The following USP25 variants were observed in gnomAD, a reference collection of about 807,000 sequenced individuals.
USP25 encodes ubiquitin specific peptidase 25, also known as ubiquitin carboxyl-terminal hydrolase 25.
In USP25, 85 loss-of-function variants were observed where a neutral mutation model predicts 158.5. The observed-to-expected ratio is 0.54, with a 90% confidence interval of 0.45 to 0.64. The LOEUF is 0.64. Ranked by LOEUF, USP25 falls within the 30% of genes least tolerant of loss-of-function variation. The probability of loss-of-function intolerance (pLI) is 0.00; values close to 1 mark genes in which losing one functional copy is unlikely to be tolerated. For synonymous variants in USP25, 464 were observed against 460.4 expected (o/e 1.01, Z -0.10); for missense variants, 1,242 against 1,327.3 (o/e 0.94, Z 1.00).
chr21:15,771,091 A>G (rs951460304), intron 3 of USP25, among the ~76,000 whole-genome samples: 1 of 152,194 alleles, frequency 6.6e-6, no homozygotes, highest in South Asian at 2.1e-4. Flanking sequence ...ACAAATATTT[A>G]TTGTCTAATA....
intron 21 of USP25, among the ~76,000 whole-genome samples, chr21:15,866,054 TGAATTA>T (rs2039641543): frequency 6.6e-6 from 1 of 152,116 alleles, no homozygotes; most frequent in Non-Finnish European, 1.5e-5. Context: ...ACAGTAAATT[TGAATTA>T]GAATTATTGC....
chr21:15,871,165 G>A (rs1036502445), intron 23 of USP25, among the ~76,000 whole-genome samples: 2 of 152,078 alleles, frequency 1.3e-5, no homozygotes, highest in African/African-American at 4.8e-5. Flanking sequence ...AAAAATTAAT[G>A]TTTTACTTAA....
chr21:15,819,711 G>A (rs1437866357), intron 10 of USP25, among the ~76,000 whole-genome samples: 2 of 152,108 alleles, frequency 1.3e-5, no homozygotes, highest in Non-Finnish European at 2.9e-5. Context: ...TAAATATTAA[G>A]TGATACGATG....
intron 8 of USP25, among the ~76,000 whole-genome samples, chr21:15,810,623 A>G (rs1380819793): frequency 6.6e-6 from 1 of 152,202 alleles, no homozygotes; most frequent in Non-Finnish European, 1.5e-5. Context: ...CTGTTCAGCT[A>G]CTTTGGGTGA....
chr21:15,861,354 T>TA (rs1166791094), intron 20 of USP25, among the ~76,000 whole-genome samples: 1 of 152,084 alleles, frequency 6.6e-6, no homozygotes, highest in South Asian at 2.1e-4. Flanking sequence ...TTAAAAAAGT[T>TA]AAAAAAATTA....
intron 1 of USP25, among the ~76,000 whole-genome samples, chr21:15,740,094 C>T (rs891059877): frequency 3.9e-5 from 6 of 152,158 alleles, no homozygotes; most frequent in Non-Finnish European, 8.8e-5. Flanking sequence ...AGATCAGTTT[C>T]GTATAATATG....
At chr21:15,736,124 G>T (rs1040165836) in intron 1 of USP25, among the ~76,000 whole-genome samples, 2 of 151,502 alleles carry the variant, frequency 1.3e-5, no homozygotes, top group Non-Finnish European at 2.9e-5. Flanking sequence ...TTGAGACGGG[G>T]TTTTGCTCTC....
chr21:15,811,404 A>C (rs550268313), intron 9 of USP25, among the ~76,000 whole-genome samples, 194 bp downstream of exon 9: 29 of 152,330 alleles, frequency 1.9e-4, no homozygotes, highest in African/African-American at 7.0e-4. Flanking sequence ...TACAGAGTGC[A>C]TTATCACATA....
At chr21:15,876,996 A>G (rs902112936) in intron 24 of USP25, 2 of 152,168 alleles carry the variant, frequency 1.3e-5, no homozygotes, top group African/African-American at 2.4e-5. Context: ...TCTCTGTTCT[A>G]CTAGATCAGT....
chr21:15,773,325 G>C (rs909685650), intron 3 of USP25: 1 of 152,612 alleles, frequency 6.6e-6, no homozygotes, highest in African/African-American at 2.4e-5. Context: ...AAGGTAATGT[G>C]AATGTGTGTG....
intron 5 of USP25, among the ~76,000 whole-genome samples, chr21:15,798,076 C>T (rs955509174): frequency 3.3e-5 from 5 of 151,168 alleles, no homozygotes; most frequent in Non-Finnish European, 1.5e-5. Context: ...GAGGGTGCTA[C>T]TCTGTACCCC....
chr21:15,864,359 A>G lies in USP25; in HGVS notation c.2639A>G (p.Tyr880Cys). 6.2e-7 allele frequency: 1 copy of G among 1,613,604 alleles called. No homozygotes were observed. Among genetic ancestry groups the G allele is most frequent in the Non-Finnish European group, 8.5e-7 (1 of 1,179,854 alleles). Reference protein sequence around the residue: ...TDYRLHHVVVYFIQNQAPKKI... With the variant: ...TDYRLHHVVVCFIQNQAPKKI... ...TATCGTTTACATCATGTAGTGGTCT[A>G]CTTTATCCAGAACCAGGCACCAAAG... The change falls in exon 21 of 26, where the codon TAC becomes TGC. Residue 880 changes from tyrosine to cysteine, a missense_variant. This residue lies in a region of USP25 where 608 missense variants were observed against 605.2 expected (regional missense o/e 1.00). Coordinates refer to ENST00000400183, the MANE Select transcript of USP25 (RefSeq NM_001283041.3).
At chr21:15,858,332 T>C (rs2039258923) in intron 20 of USP25, among the ~76,000 whole-genome samples, 1 of 152,008 alleles carries the variant, frequency 6.6e-6, no homozygotes, top group Admixed American at 6.5e-5. Flanking sequence ...GCCTTTTCAC[T>C]TTTATTGTCT....
chr21:15,751,064 G>A (rs911314776), intron 1 of USP25, among the ~76,000 whole-genome samples: 1 of 152,206 alleles, frequency 6.6e-6, no homozygotes, highest in African/African-American at 2.4e-5. Context: ...AAGAAGTATT[G>A]ACTAGGAACA....
Position 15,826,292 on chromosome 21 carries a change from T to G in USP25, c.1393T>G (p.Cys465Gly). Residue 465 changes from cysteine (C) to glycine (G), a missense_variant, in exon 13 of 26, where the codon TGC becomes GGC. Coordinates refer to ENST00000400183, the MANE Select transcript of USP25 (RefSeq NM_001283041.3). This position sits in a 1 kb window ranked among gnomAD's most constrained non-coding sequence, Gnocchi z 4.8. ...ALEFASSKPV[C>G]TSPVDDIDAS... ...GGAATTTGCCTCAAGTAAACCTGTT[T>G]GCACTTCTCCTGTTGACGATATTGA... is the stretch of plus-strand genomic sequence containing the variant. The G allele has an allele frequency of 6.2e-7, 1 of 1,614,124 alleles. No homozygotes were observed. Among genetic ancestry groups the G allele is most frequent in the South Asian group, 1.1e-5 (1 of 91,084 alleles).
intron 23 of USP25, among the ~76,000 whole-genome samples, chr21:15,872,656 C>T (rs1291708697): frequency 6.6e-6 from 1 of 152,090 alleles, no homozygotes; most frequent in Non-Finnish European, 1.5e-5. Flanking sequence ...AAATGTTATA[C>T]TTAATCTCAA....
intron 20 of USP25, among the ~76,000 whole-genome samples, chr21:15,862,351 C>G (rs77892759): frequency 0.027 from 4,134 of 152,050 alleles, 195 homozygotes; most frequent in African/African-American, 0.092. Flanking sequence ...TCGGAATGCT[C>G]AACCAGCATA....
chr21:15,858,770 T>C (rs188941639), intron 20 of USP25, among the ~76,000 whole-genome samples: 650 of 152,162 alleles, frequency 4.3e-3, no homozygotes, highest in Admixed American at 8.8e-3. Context: ...ATGTATAATG[T>C]GTAGTTTTGG....
intron 7 of USP25, among the ~76,000 whole-genome samples, chr21:15,807,549 C>CT (rs766638257): frequency 6.6e-6 from 1 of 152,208 alleles, no homozygotes; most frequent in Non-Finnish European, 1.5e-5. Flanking sequence ...GGCCACACTT[C>CT]CTCCATTGGC....
Sources: gnomAD v4.1 joint callset for allele counts (sites outside exome capture counted in the v4.1 genomes callset) on GRCh38, gnomAD v4.1.1 for gene constraint, gnomAD v4.1.1 regional missense constraint, Gnocchi (gnomAD v3.1) non-coding constraint, MANE v1.5 for transcripts, NCBI Gene and HGNC (gene_info 2026-07-23, HGNC 2026-07-21) for gene names.